Variants in COL25A1 observed in about 807,000 individuals in gnomAD.
COL25A1 encodes the protein collagen type XXV alpha 1 chain.
In COL25A1, 103 loss-of-function variants were observed where a neutral mutation model predicts 128.4. That is an observed-to-expected ratio of 0.80 (90% CI 0.68 to 0.94). COL25A1 has a LOEUF of 0.94. Among genes scored for constraint, COL25A1 ranks in the 40% least tolerant of loss-of-function variants. The pLI, the probability that COL25A1 is intolerant of heterozygous loss-of-function variation, is 0.00. For missense variants in COL25A1, 745 were observed against 840.0 expected, an observed-to-expected ratio of 0.89 and a Z score of 1.40; for synonymous variants, 279 against 277.2, an observed-to-expected ratio of 1.01 and a Z score of -0.06.
intron 3 of COL25A1, among the ~76,000 whole-genome samples, chr4:109,229,108 C>T (rs925978706): frequency 1.3e-5 from 2 of 152,278 alleles, no homozygotes; most frequent in Admixed American, 1.3e-4. Flanking sequence ...GAGGCATCTG[C>T]TAAAAACATA....
chr4:108,845,132 C>A (rs1424771941), intron 29 of COL25A1, 57 bp downstream of exon 29: 1 of 1,398,684 alleles, frequency 7.1e-7, no homozygotes, highest in Non-Finnish European at 1.0e-6. Context: ...AGGTAAGTAA[C>A]ATGTCAGTGT....
rs563699027 is a variant in COL25A1 at position 109,239,063 on chromosome 4, T to A, written c.367+61520A>T. 2.0e-5 allele frequency among the ~76,000 whole-genome samples: 3 copies of A among 151,996 alleles called. No individual in the cohort carries two copies. The East Asian group carries it at 5.8e-4, about 29-fold the overall frequency. On this transcript the variant is annotated intron_variant, in intron 3 of 37. Coordinates refer to ENST00000399132, the MANE Select transcript of COL25A1 (RefSeq NM_198721.4). ...ATGACAACTACTCAAGTCAAACAGG[T>A]TTCTACTGATGGAAATCTTTGAACC...
Position 109,204,834 on chromosome 4 carries a change from C to T in COL25A1, c.367+95749G>A, listed in dbSNP as rs1776851691. Among the ~76,000 whole-genome samples, 2 of 152,066 alleles carry T rather than the reference C, an allele frequency of 1.3e-5. 1 individual carries two copies. Among genetic ancestry groups the T allele is most frequent in the South Asian group, 4.1e-4 (2 of 4,826 alleles). On this transcript the variant is annotated intron_variant, in intron 3 of 37. Coordinates refer to ENST00000399132, the MANE Select transcript of COL25A1 (RefSeq NM_198721.4). Reference sequence around the variant, plus strand: ...GGGACCCCAAAAATTATTCTTAGTACTCTGGGAAAATTCTCAATGGGAATT... The same window carrying T: ...GGGACCCCAAAAATTATTCTTAGTATTCTGGGAAAATTCTCAATGGGAATT...
chr4:108,845,383 A>T, intron 28 of COL25A1, 132 bp from the exon 29 acceptor site: 1 of 698,096 alleles, frequency 1.4e-6, no homozygotes, highest in Non-Finnish European at 2.5e-6. Flanking sequence ...TAAAAGAAGG[A>T]TTTATCTCCT....
At chr4:109,239,420 A>ATATATATATATATT (rs1553965400) in intron 3 of COL25A1, among the ~76,000 whole-genome samples, 2 of 124,362 alleles carry the variant, frequency 1.6e-5, no homozygotes, top group African/African-American at 5.8e-5. Context: ...ATATATATAT[A>ATATATATATATATT]TATTTATTTA....
At chr4:109,170,249 CT>C (rs1773464733) in intron 3 of COL25A1, among the ~76,000 whole-genome samples, 1 of 152,084 alleles carries the variant, frequency 6.6e-6, no homozygotes, top group African/African-American at 2.4e-5. Context: ...ATGAAAATTA[CT>C]GATAAAATTT....
chr4:109,132,667 T>C (rs1769334233), intron 3 of COL25A1, among the ~76,000 whole-genome samples: 1 of 152,162 alleles, frequency 6.6e-6, no homozygotes, highest in Non-Finnish European at 1.5e-5. Context: ...CATATTGGAA[T>C]GTGTTTTCTG....
At chr4:109,269,176 T>C (rs1474605106) in intron 3 of COL25A1, among the ~76,000 whole-genome samples, 1 of 150,570 alleles carries the variant, frequency 6.6e-6, no homozygotes. Flanking sequence ...AGTGAGAATA[T>C]GCGGTGTTTG....
At chr4:109,272,916 C>T (rs543134234) in intron 3 of COL25A1, among the ~76,000 whole-genome samples, 1 of 152,124 alleles carries the variant, frequency 6.6e-6, no homozygotes, top group East Asian at 1.9e-4. Flanking sequence ...GTATTAAGTA[C>T]GGTGTCAAGT....
chr4:109,176,647 C>T (rs1374717624), intron 3 of COL25A1, among the ~76,000 whole-genome samples: 1 of 152,144 alleles, frequency 6.6e-6, no homozygotes, highest in Non-Finnish European at 1.5e-5. Context: ...GTCCCCAGTA[C>T]CTGTGAACAT....
chr4:109,182,821 G>A (rs1774789820), intron 3 of COL25A1, among the ~76,000 whole-genome samples: 1 of 151,996 alleles, frequency 6.6e-6, no homozygotes, highest in South Asian at 2.1e-4. Context: ...GCAGGTGTTA[G>A]GATAAATTAC....
At chr4:108,945,888 C>T (rs1748678223) in intron 8 of COL25A1, among the ~76,000 whole-genome samples, 1 of 152,150 alleles carries the variant, frequency 6.6e-6, no homozygotes, top group Admixed American at 6.6e-5. Context: ...TGGTCTCGAA[C>T]TCCTGACCTC....
intron 3 of COL25A1, among the ~76,000 whole-genome samples, chr4:109,146,048 A>C (rs775771185): frequency 7.2e-5 from 11 of 152,160 alleles, no homozygotes; most frequent in Non-Finnish European, 5.9e-5. Context: ...AATTTCTGTA[A>C]CTTAATATAA....
intron 30 of COL25A1, among the ~76,000 whole-genome samples, chr4:108,843,879 G>T (rs79356978): frequency 1.5e-5 from 2 of 129,548 alleles, no homozygotes; most frequent in Non-Finnish European, 3.2e-5. Context: ...TTCTTTAATG[G>T]CTATTATTAC....
chr4:109,012,412 AG>A (rs1209436093), intron 5 of COL25A1, among the ~76,000 whole-genome samples: 4 of 106,178 alleles, frequency 3.8e-5, no homozygotes, highest in African/African-American at 2.5e-4. Context: ...GCACTGTGGG[AG>A]CCCCTGTCTG....
At chr4:109,054,889 C>T (rs538297621) in intron 3 of COL25A1, among the ~76,000 whole-genome samples, 124 of 152,218 alleles carry the variant, frequency 8.1e-4, no homozygotes, top group African/African-American at 2.7e-3. Flanking sequence ...CCACCCCAAA[C>T]AATCCCTGAA....
At chr4:109,008,071 T>A (rs1039256595) in intron 6 of COL25A1, among the ~76,000 whole-genome samples, 3 of 152,216 alleles carry the variant, frequency 2.0e-5, no homozygotes, top group African/African-American at 7.2e-5. Context: ...GTCTTGTCTA[T>A]AAGACACGAG....
chr4:108,879,980 T>G (rs904224831), intron 19 of COL25A1, among the ~76,000 whole-genome samples: 2 of 151,188 alleles, frequency 1.3e-5, no homozygotes, highest in African/African-American at 4.9e-5. Flanking sequence ...AGCTAATTTT[T>G]GTATTTTTAG....
At chr4:109,238,562 T>C (rs760938978) in intron 3 of COL25A1, among the ~76,000 whole-genome samples, 24 of 152,088 alleles carry the variant, frequency 1.6e-4, no homozygotes, top group Admixed American at 7.9e-4. Context: ...ATCACTATCA[T>C]GCATTTTGGA....
Sources: allele counts gnomAD v4.1 joint callset (sites outside exome capture counted in the v4.1 genomes callset), GRCh38; gene constraint gnomAD v4.1.1; transcripts MANE v1.5; gene names NCBI Gene and HGNC (gene_info 2026-07-23, HGNC 2026-07-21).